The following NACC2 variants were observed in gnomAD, a reference collection of about 807,000 sequenced individuals.
NACC2 encodes NACC family member 2, also known as nucleus accumbens-associated protein 2.
Under a neutral mutation model 25.1 loss-of-function variants are expected in NACC2, and 8 were observed. That is an observed-to-expected ratio of 0.32 (90% confidence interval 0.19 to 0.57). NACC2 has a LOEUF of 0.57. Among genes scored for constraint, NACC2 ranks in the 20% least tolerant of loss-of-function variants. The pLI is 0.89. For synonymous variants in NACC2, 435 were observed against 294.7 expected, an observed-to-expected ratio of 1.48 and a Z score of -4.88; for missense variants, 644 against 650.2, an observed-to-expected ratio of 0.99 and a Z score of 0.10.
At chr9:136,050,933 G>A (rs1242869511) in intron 1 of NACC2, among the ~76,000 whole-genome samples, 5 of 152,132 alleles carry the variant, frequency 3.3e-5, no homozygotes, top group Non-Finnish European at 5.9e-5. Context: ...GGGGGCCGCC[G>A]GGGGAGCCTC....
At chr9:136,059,338 A>T (rs1257948804) in intron 1 of NACC2, among the ~76,000 whole-genome samples, 1 of 152,184 alleles carries the variant, frequency 6.6e-6, no homozygotes, top group Non-Finnish European at 1.5e-5. Flanking sequence ...GCACCAGCCC[A>T]TCCGGAGCAG....
chr9:136,025,900 G>C (rs988398553), intron 2 of NACC2, among the ~76,000 whole-genome samples: 3 of 151,742 alleles, frequency 2.0e-5, no homozygotes, highest in Admixed American at 6.6e-5. Flanking sequence ...GGGTGACAGA[G>C]CAAGACCATC....
At position 136,085,137 on chromosome 9, in the gene NACC2, A is replaced by ATTTTTTTTTT. The variant is rs913472378; in HGVS notation, c.-60+10042_-60+10051dup. Among the ~76,000 whole-genome samples the ATTTTTTTTTT allele has an allele frequency of 3.6e-5, 3 of 82,770 alleles. 1 individual carries two copies. The highest frequency in any genetic ancestry group is 6.9e-5 in the Non-Finnish European group (3 of 43,510). 54.3% of individuals were successfully genotyped at this position (82,770 alleles called of 152,430 possible). On this transcript the variant is annotated intron_variant, in intron 1 of 5. Transcript: ENST00000277554. ...AACATAGGAAGACTCCATTTCTACA[A>ATTTTTTTTTT]TTTTTTTTTTTTTTTTTTTTTTTTT... is the stretch of plus-strand genomic sequence containing the variant.
intron 3 of NACC2, among the ~76,000 whole-genome samples, chr9:136,014,328 G>A (rs1012731780): frequency 6.6e-6 from 1 of 151,928 alleles, no homozygotes; most frequent in African/African-American, 2.4e-5. Context: ...GTTTAGAGAC[G>A]GGGTCTTGCT....
chr9:136,087,844 G>A (rs894156290), intron 1 of NACC2, among the ~76,000 whole-genome samples: 9 of 152,314 alleles, frequency 5.9e-5, no homozygotes, highest in South Asian at 2.1e-4. Flanking sequence ...TGTCCTCCCC[G>A]GTCTGAGCTG....
At position 136,011,652 on chromosome 9, in the gene NACC2, G is replaced by GCCACCT; in HGVS notation, c.1622_1627dup (p.Glu541_Val542dup). ...ATCGGCGGGCAGCGGCTCGGGGGCG[G>GCCACCT]CCACCTCCTGGATGACCGAGCCAGC... On this transcript the variant is annotated inframe_insertion, in exon 6 of 6. Transcript: ENST00000277554. 1.4e-6 allele frequency: 2 copies of GCCACCT among 1,406,332 alleles called. No individual in the cohort carries two copies. The highest frequency in any genetic ancestry group is 1.8e-6 in the Non-Finnish European group (2 of 1,084,974). 87.1% of individuals were successfully genotyped at this position (1,406,332 alleles called of 1,614,324 possible).
rs530845699 is a variant in NACC2 at position 136,008,238 on chromosome 9, C to T, written c.*3278G>A. 241 of 152,440 alleles carry T rather than the reference C, an allele frequency of 1.6e-3. No individual in the cohort carries two copies. The highest frequency in any genetic ancestry group is 6.8e-3 in the Middle Eastern group (2 of 296). 9.4% of individuals were successfully genotyped at this position (152,440 alleles called of 1,614,324 possible). On this transcript the variant is annotated 3_prime_UTR_variant, in exon 6 of 6. Transcript: ENST00000277554. ...AGGCACCCAGCCAGGCGCGGCCCGCCGGGCTCACAGTATCTGTCACACCTC... is the reference window on the plus strand; with the variant it reads ...AGGCACCCAGCCAGGCGCGGCCCGCTGGGCTCACAGTATCTGTCACACCTC...
At chr9:136,021,722 G>A (rs935329097) in intron 2 of NACC2, among the ~76,000 whole-genome samples, 2 of 152,222 alleles carry the variant, frequency 1.3e-5, no homozygotes, top group African/African-American at 4.8e-5. Flanking sequence ...CAATGGGCAT[G>A]CAGATAAAGA....
Position 136,019,286 on chromosome 9 carries a change from CCATT to C in NACC2, c.887-2861_887-2858del, listed in dbSNP as rs1431839801. On this transcript the variant is annotated intron_variant, in intron 2 of 5. Coordinates refer to ENST00000277554, the MANE Select transcript of NACC2 (RefSeq NM_144653.5). The surrounding 1 kb of genome is among the most constrained non-coding windows in gnomAD (Gnocchi z 5.2). ...TCATCCCTCGTGGCCCCCGGAAGGG[CCATT>C]CAGAGGCCCCGTGAGTCGGGGCCAG... 6.6e-6 allele frequency: 1 copy of C among 152,268 alleles called. No individual in the cohort carries two copies. The highest frequency in any genetic ancestry group is 1.5e-5 in the Non-Finnish European group (1 of 68,082). 9.4% of individuals were successfully genotyped at this position (152,268 alleles called of 1,614,324 possible).
Position 136,013,827 on chromosome 9 carries a change from C to T in NACC2, c.1157+37G>A, listed in dbSNP as rs1332175012. On this transcript the variant is annotated intron_variant, in intron 4 of 5. Transcript: ENST00000277554. The surrounding 1 kb of genome is among the most constrained non-coding windows in gnomAD (Gnocchi z 6.6). ...CTAAAGGAGCCAGAACCCTCCGCAGCTCCATTGTGCCCTCCAGCACTCCTG... is the reference window on the plus strand; with the variant it reads ...CTAAAGGAGCCAGAACCCTCCGCAGTTCCATTGTGCCCTCCAGCACTCCTG... The T allele has an allele frequency of 6.4e-7, 1 of 1,569,802 alleles. No homozygotes were observed. Among genetic ancestry groups the T allele is most frequent in the East Asian group, 2.2e-5 (1 of 44,456 alleles).
intron 2 of NACC2, among the ~76,000 whole-genome samples, chr9:136,021,477 G>A (rs1274816026): frequency 1.3e-5 from 2 of 152,228 alleles, no homozygotes; most frequent in African/African-American, 2.4e-5. Context: ...GCGAGGACAC[G>A]GGGCAGCTGG....
At chr9:136,038,266 T>C (rs1274410487) in intron 2 of NACC2, among the ~76,000 whole-genome samples, 1 of 152,216 alleles carries the variant, frequency 6.6e-6, no homozygotes, top group Admixed American at 6.5e-5. Context: ...CTGGGCGTGG[T>C]GGCTCATGCC....
At chr9:136,021,970 G>A (rs1299098140) in intron 2 of NACC2, among the ~76,000 whole-genome samples, 1 of 152,218 alleles carries the variant, frequency 6.6e-6, no homozygotes, top group Non-Finnish European at 1.5e-5. Flanking sequence ...CAGCATGGAG[G>A]GGTTTGGCGA....
At chr9:136,030,986 C>T (rs1588563636) in intron 2 of NACC2, among the ~76,000 whole-genome samples, 1 of 151,932 alleles carries the variant, frequency 6.6e-6, no homozygotes, top group African/African-American at 2.4e-5. Context: ...TAGACGGAGC[C>T]GATGAACTTC....
chr9:136,075,905 A>G (rs1226112311), intron 1 of NACC2, among the ~76,000 whole-genome samples: 1 of 152,166 alleles, frequency 6.6e-6, no homozygotes, highest in African/African-American at 2.4e-5. Context: ...AGCGCCCAGG[A>G]GCAGCCCCGC....
At position 136,013,380 on chromosome 9, in the gene NACC2, T is replaced by A. The variant is rs1840144168; in HGVS notation, c.1158-84A>T. The A allele has an allele frequency of 2.3e-6, 3 of 1,289,168 alleles. No homozygotes were observed. Among genetic ancestry groups the A allele is most frequent in the African/African-American group, 1.5e-5 (1 of 67,254 alleles). The allele number at this position is 1,289,168 out of a possible 1,614,324, so 79.9% of individuals were successfully genotyped here. ...CGACCCGCCCGCACGAATGCCCTGC[T>A]GGGAGGCCACTTGGCCTCACCCTTG... On this transcript the variant is annotated intron_variant, in intron 4 of 5. Transcript: ENST00000277554. The surrounding 1 kb of genome is among the most constrained non-coding windows in gnomAD (Gnocchi z 6.6).
chr9:136,025,041 A>T (rs564023698), intron 2 of NACC2, among the ~76,000 whole-genome samples: 1 of 152,386 alleles, frequency 6.6e-6, no homozygotes, highest in South Asian at 2.1e-4. Flanking sequence ...AACGAAAAAA[A>T]CAAGGAAATC....
chr9:136,023,124 G>A (rs1393572732), intron 2 of NACC2, among the ~76,000 whole-genome samples: 16 of 128,126 alleles, frequency 1.2e-4, no homozygotes, highest in African/African-American at 4.2e-4. Context: ...AGGGGGAGGA[G>A]GGAGGGAGGA....
chr9:136,092,886 T>C (rs141590268), intron 1 of NACC2, among the ~76,000 whole-genome samples: 2 of 152,314 alleles, frequency 1.3e-5, no homozygotes, highest in East Asian at 3.9e-4. Flanking sequence ...ACCCACTGCG[T>C]GACCCTGCAA....
Sources: allele counts gnomAD v4.1 joint callset (sites outside exome capture counted in the v4.1 genomes callset), GRCh38; gene constraint gnomAD v4.1.1; non-coding constraint Gnocchi (gnomAD v3.1); transcripts MANE v1.5; gene names NCBI Gene and HGNC (gene_info 2026-07-23, HGNC 2026-07-21).